TRPM6: variants seen among roughly 807,000 people sequenced by gnomAD.
The protein encoded by TRPM6 is transient receptor potential cation channel subfamily M member 6, also known as channel kinase 2.
Under a neutral mutation model 247.6 loss-of-function variants are expected in TRPM6, and 111 were observed. That is an observed-to-expected ratio of 0.45 (90% CI 0.38 to 0.52). The LOEUF (loss-of-function observed/expected upper bound fraction) is 0.52, where lower values mean the gene tolerates loss of function less well. Among genes scored for constraint, TRPM6 ranks in the 20% least tolerant of loss-of-function variants. The pLI is 0.00. For synonymous variants in TRPM6, 892 were observed against 853.8 expected (o/e 1.04, Z -0.78); for missense variants, 2,126 against 2,421.5 (o/e 0.88, Z 2.56).
chr9:74,848,069 T>C (rs1830167978), intron 3 of TRPM6, among the ~76,000 whole-genome samples: 1 of 152,202 alleles, frequency 6.6e-6, no homozygotes, highest in Non-Finnish European at 1.5e-5. Flanking sequence ...ATTTTGCAAC[T>C]GAAGGTACAG....
At chr9:74,819,158 A>T (rs1829056571) in intron 9 of TRPM6, among the ~76,000 whole-genome samples, 1 of 152,020 alleles carries the variant, frequency 6.6e-6, no homozygotes, top group South Asian at 2.1e-4. Flanking sequence ...AAAATACAAA[A>T]ATTAGCCAGG....
chr9:74,758,864 G>A (rs1587475945), intron 27 of TRPM6, among the ~76,000 whole-genome samples: 1 of 152,068 alleles, frequency 6.6e-6, no homozygotes, highest in Non-Finnish European at 1.5e-5. Flanking sequence ...AGATGACATG[G>A]TCATGTATAC....
chr9:74,725,622 C>T (rs1330677177), intron 38 of TRPM6, among the ~76,000 whole-genome samples: 1 of 151,772 alleles, frequency 6.6e-6, no homozygotes, highest in Non-Finnish European at 1.5e-5. Flanking sequence ...CTCACAAGAT[C>T]TGATAGTTTT....
chr9:74,751,620 G>A (rs1163649616), intron 29 of TRPM6, among the ~76,000 whole-genome samples: 2 of 152,140 alleles, frequency 1.3e-5, no homozygotes, highest in Non-Finnish European at 2.9e-5. Flanking sequence ...CACTTCCCAC[G>A]TGGCGGATGG....
At chr9:74,878,142 A>C (rs760749554) in intron 1 of TRPM6, among the ~76,000 whole-genome samples, 5 of 152,106 alleles carry the variant, frequency 3.3e-5, no homozygotes, top group East Asian at 1.9e-4. Flanking sequence ...CACCTAGTCC[A>C]TCACAGTCAA....
chr9:74,852,429 G>A (rs1439998264), intron 3 of TRPM6, among the ~76,000 whole-genome samples: 25 of 144,518 alleles, frequency 1.7e-4, no homozygotes, highest in Admixed American at 1.4e-4. Flanking sequence ...TCCCTCTCCC[G>A]CTCCCTCTCC....
At chr9:74,738,712 A>G (rs559393775) in intron 35 of TRPM6, 100 bp from the exon 36 acceptor site, 1 of 998,686 alleles carries the variant, frequency 1.0e-6, no homozygotes, top group African/African-American at 1.6e-5. Flanking sequence ...TAACTCTGGT[A>G]TGATGCAGCC....
intron 11 of TRPM6, among the ~76,000 whole-genome samples, chr9:74,814,786 TA>T (rs1828867442): frequency 6.6e-6 from 1 of 151,928 alleles, no homozygotes; most frequent in African/African-American, 2.4e-5. Flanking sequence ...CTGTCTCTAC[TA>T]AAAATACAAA....
rs145826728 is a variant in TRPM6, at chr9:74,776,665, G to A, written c.3210-589C>T. ...GTAGGTCACTTTGTAGTTGTAACAT[G>A]GAGATAGGATGGTGAATGTTGATAT... On this transcript the variant is annotated intron_variant, in intron 23 of 38. Coordinates refer to ENST00000360774, the MANE Select transcript of TRPM6 (RefSeq NM_017662.5). Among the ~76,000 whole-genome samples, 6 of 152,280 alleles carry A rather than the reference G, an allele frequency of 3.9e-5. No homozygotes were observed. In the East Asian group the frequency reaches 1.2e-3, roughly 29 times the overall value.
Position 74,739,864 on chromosome 9 carries a change from A to T in TRPM6, c.5346T>A (p.Ala1782=), listed in dbSNP as rs767482424. The T allele has an allele frequency of 1.2e-6, 2 of 1,614,138 alleles. No homozygotes were observed. The highest frequency in any genetic ancestry group is 4.5e-5 in the East Asian group (2 of 44,874). ...CAGACCAAGTGCTGACGACTCTCAT[A>T]GCTTTACGGAGGCCCCCATCCATCT... The part of the protein sequence containing the change: ...REEMDGGLRK[A]MRVVSTWSED... The change falls in exon 34 of 39, where the codon GCT becomes GCA. Residue 1782 remains alanine (A), a synonymous_variant. Coordinates refer to ENST00000360774, the MANE Select transcript of TRPM6 (RefSeq NM_017662.5).
At chr9:74,822,548 C>T (rs1028241997) in intron 7 of TRPM6, among the ~76,000 whole-genome samples, 1 of 152,136 alleles carries the variant, frequency 6.6e-6, no homozygotes, top group African/African-American at 2.4e-5. Context: ...AGCCACCACA[C>T]CTAGACTCTA....
intron 13 of TRPM6, among the ~76,000 whole-genome samples, chr9:74,810,041 C>T (rs12551151): frequency 0.27 from 39,795 of 149,726 alleles, 6,650 homozygotes; most frequent in East Asian, 0.67. Context: ...TCTCTCTCCA[C>T]GTCAACATAA....
chr9:74,833,834 T>G (rs543507840), intron 6 of TRPM6, among the ~76,000 whole-genome samples, 164 bp downstream of exon 6: 5 of 152,352 alleles, frequency 3.3e-5, no homozygotes, highest in African/African-American at 9.6e-5. Context: ...AGGGTGGGAC[T>G]GTCATCTTCT....
chr9:74,877,330 A>G (rs1032367780), intron 1 of TRPM6, among the ~76,000 whole-genome samples: 3 of 152,228 alleles, frequency 2.0e-5, no homozygotes, highest in African/African-American at 4.8e-5. Context: ...AATATCCATC[A>G]ACTGATTAAT....
intron 27 of TRPM6, among the ~76,000 whole-genome samples, chr9:74,758,808 C>A (rs1270528958): frequency 6.6e-6 from 1 of 152,076 alleles, no homozygotes; most frequent in African/African-American, 2.4e-5. Context: ...AAAGGAAATA[C>A]AACATGTCCA....
chr9:74,741,525 A>G (rs893129397), intron 33 of TRPM6, among the ~76,000 whole-genome samples: 1 of 152,056 alleles, frequency 6.6e-6, no homozygotes, highest in African/African-American at 2.4e-5. Context: ...CTAAATCCCT[A>G]GAGGCTTTAG....
chr9:74,740,038 C>CAATAAG (rs762186256), intron 33 of TRPM6, 29 bp from the exon 34 acceptor site: 43 of 1,610,592 alleles, frequency 2.7e-5, no homozygotes, highest in Middle Eastern at 1.8e-4. Context: ...GCTAGGAATT[C>CAATAAG]AATAAGATTG....
At chr9:74,841,365 A>G (rs1172010396) in intron 4 of TRPM6, among the ~76,000 whole-genome samples, 1 of 152,378 alleles carries the variant, frequency 6.6e-6, no homozygotes, top group East Asian at 1.9e-4. Flanking sequence ...ATTTACAGGA[A>G]GAAGTAAGGA....
Position 74,724,512 on chromosome 9 carries a change from A to G in TRPM6, c.*101T>C. 6.4e-7 allele frequency: 1 copy of G among 1,553,848 alleles called. No individual in the cohort carries two copies. The highest frequency in any genetic ancestry group is 8.9e-7 in the Non-Finnish European group (1 of 1,127,588). On this transcript the variant is annotated 3_prime_UTR_variant, in exon 39 of 39. Transcript: ENST00000360774. ...ATGTGAGGCTCAGAAGGCGTGTCCC[A>G]AGGAGACGCTGATGTAATCAACATC... is the stretch of plus-strand genomic sequence containing the variant.
Sources: allele counts gnomAD v4.1 joint callset (sites outside exome capture counted in the v4.1 genomes callset), GRCh38; gene constraint gnomAD v4.1.1; transcripts MANE v1.5; gene names NCBI Gene and HGNC (gene_info 2026-07-23, HGNC 2026-07-21).